Variants in DRC1 observed in about 807,000 individuals in gnomAD.
DRC1 encodes dynein regulatory complex protein 1.
In DRC1, 74 loss-of-function variants were observed where a neutral mutation model predicts 98.7. That is an observed-to-expected ratio of 0.75 (90% CI 0.62 to 0.91). DRC1 has a LOEUF of 0.91. Ranked by LOEUF, DRC1 falls within the 40% of genes least tolerant of loss-of-function variation. The probability of loss-of-function intolerance (pLI) is 0.00; values close to 1 mark genes in which losing one functional copy is unlikely to be tolerated. For synonymous variants in DRC1, 336 were observed against 334.1 expected (o/e 1.01, Z -0.06); for missense variants, 875 against 886.0 (o/e 0.99, Z 0.16).
intron 7 of DRC1, among the ~76,000 whole-genome samples, chr2:26,439,053 A>G (rs1663645380): frequency 6.6e-6 from 1 of 152,108 alleles, no homozygotes; most frequent in Non-Finnish European, 1.5e-5. Flanking sequence ...CTTCAGGATA[A>G]TGCTTTAAAT....
intron 13 of DRC1, among the ~76,000 whole-genome samples, 196 bp from the exon 14 acceptor site, chr2:26,453,124 C>T (rs903888549): frequency 2.0e-5 from 3 of 152,184 alleles, no homozygotes; most frequent in Non-Finnish European, 2.9e-5. Flanking sequence ...TCCATTTTCT[C>T]GTAGCCTCCT....
intron 2 of DRC1, among the ~76,000 whole-genome samples, chr2:26,418,790 A>G (rs1370395488): frequency 7.6e-6 from 1 of 131,126 alleles, no homozygotes; most frequent in African/African-American, 2.9e-5. Context: ...ATATATTTAT[A>G]CATATATACA....
intron 13 of DRC1, 45 bp downstream of exon 13, chr2:26,450,726 A>T (rs769555045): frequency 1.0e-5 from 15 of 1,430,790 alleles, no homozygotes; most frequent in African/African-American, 1.5e-5. Context: ...TTTCTTTCTT[A>T]TTTATTTATT....
chr2:26,445,703 G>C lies in DRC1; in HGVS notation c.1396+755G>C, dbSNP rs138299263. ...GAGACAGAGTCTCGCTCTGTTGCCA[G>C]GCTGGATTGCAGTGGCGCGATCTGG... On this transcript the variant is annotated intron_variant, in intron 10 of 16. Transcript: ENST00000288710. Among the ~76,000 whole-genome samples, 1,277 of 152,144 alleles carry C rather than the reference G, an allele frequency of 8.4e-3. 27 individuals carry two copies. The highest frequency in any genetic ancestry group is 0.079 in the South Asian group (380 of 4,818).
chr2:26,456,561 G>C lies in DRC1; in HGVS notation c.*44G>C, dbSNP rs750441750. On this transcript the variant is annotated 3_prime_UTR_variant, in exon 17 of 17. Transcript: ENST00000288710. The stretch of plus-strand genomic sequence containing the variant: ...GATGTGTTAGGGCTGGCCTGATGCT[G>C]GTGTCTGTGCCGGAGCCAGCTCATA... 20 of 1,611,400 alleles carry C rather than the reference G, an allele frequency of 1.2e-5. No homozygotes were observed. The highest frequency in any genetic ancestry group is 2.2e-5 in the South Asian group (2 of 90,892).
chr2:26,420,471 G>A (rs965235836), intron 2 of DRC1, among the ~76,000 whole-genome samples: 2 of 152,192 alleles, frequency 1.3e-5, no homozygotes, highest in African/African-American at 4.8e-5. Context: ...GCTCCCGGCA[G>A]TGTCAGTCAC....
chr2:26,406,507 G>A (rs567907267), intron 1 of DRC1, among the ~76,000 whole-genome samples: 12 of 152,204 alleles, frequency 7.9e-5, no homozygotes, highest in Non-Finnish European at 1.2e-4. Context: ...CCAGGAGTTC[G>A]AGACCAGCCT....
intron 10 of DRC1, among the ~76,000 whole-genome samples, chr2:26,445,271 C>T (rs1446752164): frequency 1.3e-5 from 2 of 152,152 alleles, no homozygotes; most frequent in Admixed American, 6.5e-5. Flanking sequence ...TGTCTAAGAT[C>T]CATTAACTGT....
In DRC1 at chr2:26,454,869, C is replaced by A; in HGVS notation, c.2063+79C>A. ...TTGTTGGGAGCAGCCGCGTTTGCTGCCTCCCTGTCCCACTGAACCTGGGAG... is the reference window on the plus strand; with the variant it reads ...TTGTTGGGAGCAGCCGCGTTTGCTGACTCCCTGTCCCACTGAACCTGGGAG... On this transcript the variant is annotated intron_variant, in intron 15 of 16. Coordinates refer to ENST00000288710, the MANE Select transcript of DRC1 (RefSeq NM_145038.5). This position sits in a 1 kb window ranked among gnomAD's most constrained non-coding sequence, Gnocchi z 5.2. 1 of 1,591,430 alleles carries A rather than the reference C, an allele frequency of 6.3e-7. No homozygotes were observed. The highest frequency in any genetic ancestry group is 8.6e-7 in the Non-Finnish European group (1 of 1,166,096).
At chr2:26,446,421 G>A (rs556206727) in intron 10 of DRC1, among the ~76,000 whole-genome samples, 1 of 152,246 alleles carries the variant, frequency 6.6e-6, no homozygotes, top group East Asian at 1.9e-4. Context: ...TGTGGGCGCT[G>A]GGTGCTTATT....
chr2:26,455,260 G>A (rs1267416412), intron 16 of DRC1, 27 bp downstream of exon 16: 6 of 1,604,796 alleles, frequency 3.7e-6, no homozygotes, highest in South Asian at 3.3e-5. Flanking sequence ...TCCAAGGAGG[G>A]GCAGCGGGAG....
chr2:26,414,575 C>A, intron 2 of DRC1, 144 bp downstream of exon 2: 1 of 713,178 alleles, frequency 1.4e-6, no homozygotes. Context: ...CATTTGAGAG[C>A]TCTCTAGGAG....
chr2:26,432,019 G>T lies in DRC1; in HGVS notation c.888+13G>T, dbSNP rs1237626137. ...GCAGGATGTGCAGGTGCAACAGCTG[G>T]TCCTCACTAGGGTGCCTGGGTGGCG... On this transcript the variant is annotated intron_variant, in intron 7 of 16. Transcript: ENST00000288710. The T allele has an allele frequency of 1.9e-6, 3 of 1,612,772 alleles. No homozygotes were observed. The highest frequency in any genetic ancestry group is 1.7e-5 in the Admixed American group (1 of 59,734).
chr2:26,439,168 C>T (rs1261935319), intron 7 of DRC1, among the ~76,000 whole-genome samples: 8 of 152,082 alleles, frequency 5.3e-5, no homozygotes. Flanking sequence ...AAGCACCCAC[C>T]CCCCTTGCCT....
chr2:26,427,677 C>T (rs963370866), intron 4 of DRC1, among the ~76,000 whole-genome samples: 1 of 152,138 alleles, frequency 6.6e-6, no homozygotes, highest in Admixed American at 6.5e-5. Context: ...TTCATTCTAA[C>T]TATATTTTTG....
At chr2:26,423,570 G>C (rs993320499) in intron 3 of DRC1, among the ~76,000 whole-genome samples, 1 of 152,182 alleles carries the variant, frequency 6.6e-6, no homozygotes, top group Admixed American at 6.5e-5. Context: ...TGGAATTTAT[G>C]GAAAGGCTGT....
At chr2:26,449,194 C>T (rs2148003956) in intron 11 of DRC1, among the ~76,000 whole-genome samples, 1 of 152,364 alleles carries the variant, frequency 6.6e-6, no homozygotes, top group African/African-American at 2.4e-5. Context: ...TTGGGGGTGA[C>T]TCTGGCTATG....
intron 7 of DRC1, among the ~76,000 whole-genome samples, chr2:26,439,936 T>TATATATACACAC (rs548209014): frequency 2.6e-5 from 2 of 75,484 alleles, no homozygotes; most frequent in East Asian, 2.4e-4. Flanking sequence ...TATATATATA[T>TATATATACACAC]ACACACACAC....
At position 26,451,862 on chromosome 2, in the gene DRC1, T is replaced by C. The variant is rs914042000; in HGVS notation, c.1689+1181T>C. 2.6e-5 allele frequency among the ~76,000 whole-genome samples: 4 copies of C among 152,270 alleles called. No individual in the cohort carries two copies. In the East Asian group the frequency reaches 7.7e-4, roughly 29 times the overall value. On this transcript the variant is annotated intron_variant, in intron 13 of 16. Coordinates refer to ENST00000288710, the MANE Select transcript of DRC1 (RefSeq NM_145038.5). Reference sequence around the variant, plus strand: ...ATGAATGACAAGCTGCAGAGAAATATTTTCAACTCATATCATAGTTAAGGC... The same window carrying C: ...ATGAATGACAAGCTGCAGAGAAATACTTTCAACTCATATCATAGTTAAGGC...
Sources: gnomAD v4.1 joint callset for allele counts (sites outside exome capture counted in the v4.1 genomes callset) on GRCh38, gnomAD v4.1.1 for gene constraint, Gnocchi (gnomAD v3.1) non-coding constraint, MANE v1.5 for transcripts, NCBI Gene and HGNC (gene_info 2026-07-23, HGNC 2026-07-21) for gene names.